The following CLUH variants were observed in gnomAD, a reference collection of about 807,000 sequenced individuals.
CLUH encodes the protein clustered mitochondria protein homolog.
CLUH carries 77 observed loss-of-function variants against 139.3 expected under a neutral mutation model. The observed-to-expected ratio is 0.55, with a 90% CI of 0.46 to 0.67. The LOEUF (loss-of-function observed/expected upper bound fraction) is 0.67, where lower values mean the gene tolerates loss of function less well. Ranked by LOEUF, CLUH falls within the 30% of genes least tolerant of loss-of-function variation. The pLI, the probability that CLUH is intolerant of heterozygous loss-of-function variation, is 0.00. For missense variants in CLUH, 1,876 were observed against 1,875.8 expected (o/e 1.00, Z 0.00); for synonymous variants, 999 against 801.6 (o/e 1.25, Z -4.16).
chr17:2,704,825 C>T lies in CLUH; in HGVS notation c.101-261G>A, dbSNP rs2070303777. On this transcript the variant is annotated intron_variant, in intron 1 of 25. Transcript: ENST00000651024. The surrounding 1 kb of genome is among the most constrained non-coding windows in gnomAD (Gnocchi z 5.7). ...TCCCAAACCACTCTCCCCAGGGTCA[C>T]CAAAGCCACCCTTCAAGCCAAGCCC... 1.3e-5 allele frequency among the ~76,000 whole-genome samples: 2 copies of T among 152,142 alleles called. No individual in the cohort carries two copies. Among genetic ancestry groups the T allele is most frequent in the South Asian group, 4.1e-4 (2 of 4,834 alleles).
rs986428200 is a variant in CLUH at position 2,703,385 on chromosome 17, C to T, written c.408G>A (p.Leu136=). ...CFSLHLDGNV[L]DHFSELRSVE... ...CGCTGCGCAGCTCCGAGAAGTGGTC[C>T]AGCACGTTGCCATCCAGGTGCAGTG... is the stretch of plus-strand genomic sequence containing the variant. Residue 136 remains leucine (L), a synonymous_variant, in exon 3 of 26, where the codon CTG becomes CTA. Coordinates refer to ENST00000651024, the MANE Select transcript of CLUH (RefSeq NM_001366661.1). This position sits in a 1 kb window ranked among gnomAD's most constrained non-coding sequence, Gnocchi z 4.2. 6.2e-7 allele frequency: 1 copy of T among 1,613,550 alleles called. No homozygotes were observed. The highest frequency in any genetic ancestry group is 1.1e-5 in the South Asian group (1 of 90,998).
At chr17:2,694,357 GCA>G in intron 17 of CLUH, 81 bp from the exon 18 acceptor site, 1 of 1,520,820 alleles carries the variant, frequency 6.6e-7, no homozygotes, top group East Asian at 2.4e-5. Flanking sequence ...CAACGCTTGC[GCA>G]CAGACGGCTA....
Position 2,698,041 on chromosome 17 carries a change from G to A in CLUH, c.1816C>T (p.Arg606Cys), listed in dbSNP as rs748034531. Residue 606 changes from arginine to cysteine, a missense_variant, in exon 10 of 26, where the codon CGC (arginine) becomes TGC (cysteine). Coordinates refer to ENST00000651024, the MANE Select transcript of CLUH (RefSeq NM_001366661.1). ...DGRHYILDLL[R>C]TFPPDLNFLP... ...AAGTTGAGGTCCGGGGGGAAGGTGC[G>A]CAGCAGGTCGAGGATGTAGTGGCGC... 10 of 1,605,640 alleles carry A rather than the reference G, an allele frequency of 6.2e-6. No homozygotes were observed. The East Asian group carries it at 1.3e-4, about 22-fold the overall frequency.
intron 19 of CLUH, among the ~76,000 whole-genome samples, chr17:2,693,201 T>G (rs1023088378): frequency 2.2e-5 from 3 of 136,974 alleles, no homozygotes; most frequent in Non-Finnish European, 3.1e-5. Flanking sequence ...TTTGAGACCA[T>G]CCTGGCCAAC....
At chr17:2,701,843 C>T (rs2151714897) in intron 4 of CLUH, 71 bp downstream of exon 4, 1 of 1,599,876 alleles carries the variant, frequency 6.3e-7, no homozygotes, top group Non-Finnish European at 8.5e-7. Flanking sequence ...GCCCCTCGGC[C>T]CCTTCTCCAG....
Position 2,693,972 on chromosome 17 carries a change from G to A in CLUH, c.3159C>T (p.Ala1053=). The change falls in exon 19 of 26, where the codon GCC becomes GCT. Residue 1053 remains alanine, a synonymous_variant. Transcript: ENST00000651024. The part of the protein sequence containing the change: ...ALNLFNNVYG[A]MHVETCACLR... ...GGCAGGCGCAGGTCTCCACGTGCAT[G>A]GCTCCGTAGACGTTGTTAAACAGGT... 6.2e-7 allele frequency: 1 copy of A among 1,613,904 alleles called. No homozygotes were observed.
chr17:2,695,683 G>T, intron 13 of CLUH, 157 bp from the exon 14 acceptor site: 1 of 1,033,310 alleles, frequency 9.7e-7, no homozygotes, highest in East Asian at 2.6e-5. Flanking sequence ...GCCTCTGGCA[G>T]GAGCGCAGGC....
chr17:2,701,527 G>A lies in CLUH; in HGVS notation c.745-7C>T, dbSNP rs763669635. 2.5e-6 allele frequency: 4 copies of A among 1,613,676 alleles called. No homozygotes were observed. Among genetic ancestry groups the A allele is most frequent in the Non-Finnish European group, 3.4e-6 (4 of 1,179,814 alleles). ...CTTTCAGGCACTGCAAGGGCTTCGG[G>A]AGCGGCCGAGTCTGAGGGGCCAGGC... On this transcript the variant is annotated splice_polypyrimidine_tract_variant and splice_region_variant and intron_variant, in intron 5 of 25. Transcript: ENST00000651024.
At chr17:2,692,250 G>C in intron 22 of CLUH, 111 bp downstream of exon 22, 3 of 1,448,280 alleles carry the variant, frequency 2.1e-6, no homozygotes, top group South Asian at 2.7e-5. Context: ...GGGAGGTCGA[G>C]AGAAATTTTC....
intron 10 of CLUH, 36 bp downstream of exon 10, chr17:2,697,860 T>C (rs887457689): frequency 1.2e-5 from 18 of 1,444,688 alleles, no homozygotes; most frequent in Admixed American, 8.1e-5. Context: ...TCCCTGCAGC[T>C]GGCCCCGGCC....
intron 3 of CLUH, among the ~76,000 whole-genome samples, chr17:2,702,694 C>T (rs2070227476): frequency 6.6e-6 from 1 of 152,204 alleles, no homozygotes; most frequent in South Asian, 2.1e-4. Flanking sequence ...CCGTGCCCGA[C>T]CTCCCCACTC....
At position 2,704,231 on chromosome 17, in the gene CLUH, G is replaced by C; in HGVS notation, c.303+131C>G. The C allele has an allele frequency of 1.0e-6, 1 of 954,306 alleles. No individual in the cohort carries two copies. The allele number at this position is 954,306 out of a possible 1,614,324, so 59.1% of individuals were successfully genotyped here. On this transcript the variant is annotated intron_variant, in intron 2 of 25. Transcript: ENST00000651024. This position sits in a 1 kb window ranked among gnomAD's most constrained non-coding sequence, Gnocchi z 5.7. ...CCACCACGCTAGCTGAGTGACTCTAGGGAGGGCACGGGATCCTCAGTTTCC... is the reference window on the plus strand; with the variant it reads ...CCACCACGCTAGCTGAGTGACTCTACGGAGGGCACGGGATCCTCAGTTTCC...
rs114004408 is a variant in CLUH, at chr17:2,695,847, C to G, written c.2391+312G>C. Reference sequence around the variant, plus strand: ...GAGCACCCAGCATCCTGGAACCAGACACAGAGCCTGCGGGAGGAGGAGGAG... The same window carrying G: ...GAGCACCCAGCATCCTGGAACCAGAGACAGAGCCTGCGGGAGGAGGAGGAG... On this transcript the variant is annotated intron_variant, in intron 13 of 25. Coordinates refer to ENST00000651024, the MANE Select transcript of CLUH (RefSeq NM_001366661.1). 5.2e-3 allele frequency: 3,032 copies of G among 579,478 alleles called. 44 individuals carry two copies. Among genetic ancestry groups the G allele is most frequent in the African/African-American group, 0.036 (1,913 of 53,322 alleles). The allele number at this position is 579,478 out of a possible 1,614,324, so 35.9% of individuals were successfully genotyped here.
Position 2,698,272 on chromosome 17 carries a change from T to C in CLUH, c.1585A>G (p.Ile529Val). ...CTCTGCTCCTGGTCCCGCTCCAGGA[T>C]GCCGGGGATGATGGACTGGGCCGTG... Reference protein sequence around the residue: ...RVTAQSIIPGILERDQEQSVI... With the variant: ...RVTAQSIIPGVLERDQEQSVI... The change falls in exon 10 of 26, where the codon ATC becomes GTC. Residue 529 changes from isoleucine to valine, a missense_variant. Physicochemically the swap from Ile to Val is conservative, Grantham distance 29. This residue lies in a region of CLUH where 1,454 missense variants were observed against 1,384.4 expected (regional missense o/e 1.05). Transcript: ENST00000651024. The C allele has an allele frequency of 6.2e-7, 1 of 1,610,622 alleles. No homozygotes were observed. Among genetic ancestry groups the C allele is most frequent in the African/African-American group, 1.3e-5 (1 of 74,966 alleles).
At chr17:2,694,382 C>T (rs1277346515) in intron 17 of CLUH, 98 bp downstream of exon 17, 37 of 1,523,010 alleles carry the variant, frequency 2.4e-5, no homozygotes, top group Non-Finnish European at 3.1e-5. Flanking sequence ...GTGAAAAAGC[C>T]ACTTCCCCTG....
intron 16 of CLUH, 46 bp from the exon 17 acceptor site, chr17:2,694,610 C>G (rs773207596): frequency 2.0e-6 from 3 of 1,489,166 alleles, no homozygotes; most frequent in South Asian, 2.4e-5. Context: ...ACCGCCGGGC[C>G]CCCCCAACAC....
chr17:2,696,645 TCC>T (rs2069957767), intron 11 of CLUH, 72 bp downstream of exon 11: 1 of 1,569,902 alleles, frequency 6.4e-7, no homozygotes, highest in Middle Eastern at 1.8e-4. Flanking sequence ...TGCCAGCCTC[TCC>T]CAGGTGGGGG....
rs1332450679 is a variant in CLUH at position 2,703,911 on chromosome 17, G to A, written c.304-422C>T. On this transcript the variant is annotated intron_variant, in intron 2 of 25. Coordinates refer to ENST00000651024, the MANE Select transcript of CLUH (RefSeq NM_001366661.1). The surrounding 1 kb of genome is among the most constrained non-coding windows in gnomAD (Gnocchi z 4.2). The stretch of plus-strand genomic sequence containing the variant: ...TCTGGGGCCCAAGCCTGCGGGTGCC[G>A]AGACATACGACGACCCTGTCTCGTT... Among the ~76,000 whole-genome samples, 1 of 152,142 alleles carries A rather than the reference G, an allele frequency of 6.6e-6. No individual in the cohort carries two copies. Among genetic ancestry groups the A allele is most frequent in the South Asian group, 2.1e-4 (1 of 4,826 alleles).
chr17:2,695,164 C>T (rs1050947437), intron 15 of CLUH, 54 bp downstream of exon 15: 24 of 1,613,410 alleles, frequency 1.5e-5, no homozygotes, highest in African/African-American at 8.0e-5. Flanking sequence ...TCTTTCCCGA[C>T]GCCCCACACC....
Sources: allele counts gnomAD v4.1 joint callset (sites outside exome capture counted in the v4.1 genomes callset), GRCh38; gene constraint gnomAD v4.1.1; regional missense constraint gnomAD v4.1.1; non-coding constraint Gnocchi (gnomAD v3.1); transcripts MANE v1.5; gene names NCBI Gene and HGNC (gene_info 2026-07-23, HGNC 2026-07-21).